Variants in DNAJC5 observed in about 807,000 individuals in gnomAD.
The protein encoded by DNAJC5 is dnaJ homolog subfamily C member 5.
DNAJC5 carries 1 observed loss-of-function variant against 23.2 expected under a neutral mutation model. The ratio of observed to expected loss-of-function variants is 0.04; its 90% CI spans 0.02 to 0.20. The LOEUF (loss-of-function observed/expected upper bound fraction) is 0.20. Ranked by LOEUF, DNAJC5 falls within the 10% of genes least tolerant of loss-of-function variation. DNAJC5 has a pLI of 1.00. For missense variants in DNAJC5, 180 were observed against 267.0 expected (o/e 0.67, Z 2.27); for synonymous variants, 136 against 120.0 (o/e 1.13, Z -0.87).
At position 63,928,693 on chromosome 20, in the gene DNAJC5, C is replaced by T. The variant is rs928124086; in HGVS notation, c.107+241C>T. 4.6e-5 allele frequency among the ~76,000 whole-genome samples: 7 copies of T among 152,206 alleles called. No homozygotes were observed. The highest frequency in any genetic ancestry group is 8.8e-5 in the Non-Finnish European group (6 of 68,030). ...TTAGTAGAAACTGACACACTGTCCA[C>T]AGTTCCATAGGGAGTCAGGGTCTGA... is the stretch of plus-strand genomic sequence containing the variant. On this transcript the variant is annotated intron_variant, in intron 2 of 4. Transcript: ENST00000360864. This position sits in a 1 kb window ranked among gnomAD's most constrained non-coding sequence, Gnocchi z 4.6.
rs2427561 is a variant in DNAJC5 at position 63,920,869 on chromosome 20, T to G, written c.-11-7466T>G. The stretch of plus-strand genomic sequence containing the variant: ...ATTTTGTATTTTTAGTAGAGACAGG[T>G]TTTCTCCATGTTGGTCAGGCTGGTC... On this transcript the variant is annotated intron_variant, in intron 1 of 4. Transcript: ENST00000360864. This position sits in a 1 kb window ranked among gnomAD's most constrained non-coding sequence, Gnocchi z 4.6. Among the ~76,000 whole-genome samples the G allele has an allele frequency of 0.34, 52,147 of 151,414 alleles. 10,684 individuals carry two copies. The highest frequency in any genetic ancestry group is 0.81 in the East Asian group (4,177 of 5,152).
At chr20:63,925,313 A>G (rs1301046263) in intron 1 of DNAJC5, among the ~76,000 whole-genome samples, 2 of 152,028 alleles carry the variant, frequency 1.3e-5, no homozygotes, top group African/African-American at 2.4e-5. Flanking sequence ...GTGAAACCCC[A>G]TCTCTACTAA....
intron 1 of DNAJC5, among the ~76,000 whole-genome samples, chr20:63,897,839 C>G (rs529911887): frequency 7.9e-4 from 121 of 152,296 alleles, no homozygotes; most frequent in African/African-American, 2.7e-3. Flanking sequence ...CTTGCAGACT[C>G]TGGAGTCCTT....
chr20:63,926,680 C>A (rs1370488915), intron 1 of DNAJC5, among the ~76,000 whole-genome samples: 1 of 152,214 alleles, frequency 6.6e-6, no homozygotes, highest in African/African-American at 2.4e-5. Context: ...CTCAGGCTGG[C>A]AGGCGAGAAG....
chr20:63,931,612 A>G lies in DNAJC5; in HGVS notation c.*44A>G, dbSNP rs774328739. 4.0e-6 allele frequency: 6 copies of G among 1,503,236 alleles called. No homozygotes were observed. The highest frequency in any genetic ancestry group is 5.4e-6 in the Non-Finnish European group (6 of 1,114,198). The allele number at this position is 1,503,236 out of a possible 1,614,324, so 93.1% of individuals were successfully genotyped here. A position where few individuals can be genotyped will look rare whatever the true frequency, so the allele number is the denominator to read the frequency against. On this transcript the variant is annotated 3_prime_UTR_variant, in exon 5 of 5. Coordinates refer to ENST00000360864, the MANE Select transcript of DNAJC5 (RefSeq NM_025219.3). The surrounding 1 kb of genome is among the most constrained non-coding windows in gnomAD (Gnocchi z 9.6). The stretch of plus-strand genomic sequence containing the variant: ...TCAGAGGAGGAGCCGGCGCCTGGCC[A>G]CGCCAACCTTAGAATCATGAACTGT...
At chr20:63,914,539 G>A (rs548484100) in intron 1 of DNAJC5, among the ~76,000 whole-genome samples, 1 of 151,252 alleles carries the variant, frequency 6.6e-6, no homozygotes, top group African/African-American at 2.4e-5. Flanking sequence ...GGATGGTCTC[G>A]ATCTCCTGAC....
intron 1 of DNAJC5, among the ~76,000 whole-genome samples, chr20:63,900,205 C>G (rs1359400922): frequency 1.3e-5 from 2 of 152,028 alleles, no homozygotes; most frequent in Non-Finnish European, 2.9e-5. Flanking sequence ...TGGTCTTGAG[C>G]TCCTGGACTC....
intron 1 of DNAJC5, among the ~76,000 whole-genome samples, chr20:63,907,234 C>T (rs762751334): frequency 7.2e-5 from 11 of 152,172 alleles, no homozygotes; most frequent in Non-Finnish European, 4.4e-5. Flanking sequence ...GAATCAGTTA[C>T]GATGTACGGT....
At chr20:63,895,760 T>TAGCTCGGGG (rs2053371210) in intron 1 of DNAJC5, among the ~76,000 whole-genome samples, 1 of 152,248 alleles carries the variant, frequency 6.6e-6, no homozygotes, top group Non-Finnish European at 1.5e-5. Flanking sequence ...GTTGTGTTTA[T>TAGCTCGGGG]AGCTCGGGGA....
intron 1 of DNAJC5, among the ~76,000 whole-genome samples, chr20:63,908,680 T>C (rs2053462537): frequency 6.6e-6 from 1 of 152,236 alleles, no homozygotes; most frequent in Admixed American, 6.6e-5. Context: ...TGCAGGCACG[T>C]GCCTGTGGTC....
intron 1 of DNAJC5, among the ~76,000 whole-genome samples, chr20:63,923,477 A>G (rs2053587873): frequency 1.3e-5 from 2 of 151,236 alleles, no homozygotes; most frequent in African/African-American, 2.4e-5. Flanking sequence ...GGTGGCTCAC[A>G]CCTGTGATCC....
At chr20:63,905,433 A>G (rs2053441999) in intron 1 of DNAJC5, among the ~76,000 whole-genome samples, 1 of 151,500 alleles carries the variant, frequency 6.6e-6, no homozygotes, top group Admixed American at 6.6e-5. Context: ...TTTTTGTTTT[A>G]AGAGACAAGG....
intron 1 of DNAJC5, among the ~76,000 whole-genome samples, chr20:63,925,348 G>C (rs1222683315): frequency 6.6e-6 from 1 of 152,048 alleles, no homozygotes; most frequent in African/African-American, 2.4e-5. Context: ...CCTGGGCGTG[G>C]TTCGCGTGCC....
chr20:63,903,294 G>A (rs1408890394), intron 1 of DNAJC5, among the ~76,000 whole-genome samples: 4 of 152,062 alleles, frequency 2.6e-5, no homozygotes, highest in South Asian at 4.2e-4. Flanking sequence ...TTGTAGGCAC[G>A]CACCACCTCA....
chr20:63,910,605 G>A (rs1427917679), intron 1 of DNAJC5, among the ~76,000 whole-genome samples: 7 of 151,874 alleles, frequency 4.6e-5, no homozygotes, highest in Admixed American at 2.0e-4. Flanking sequence ...CTGGGTGCCC[G>A]ATGCCCAGGA....
At chr20:63,903,092 C>T (rs2053425282) in intron 1 of DNAJC5, among the ~76,000 whole-genome samples, 1 of 152,198 alleles carries the variant, frequency 6.6e-6, no homozygotes, top group Non-Finnish European at 1.5e-5. Context: ...CCTATCTCAG[C>T]CTCCCAAGTA....
chr20:63,902,011 A>C (rs1196339830), intron 1 of DNAJC5, among the ~76,000 whole-genome samples: 1 of 151,990 alleles, frequency 6.6e-6, no homozygotes, highest in Non-Finnish European at 1.5e-5. Context: ...AGTCGCAATA[A>C]ATTTTGTTAG....
intron 1 of DNAJC5, among the ~76,000 whole-genome samples, chr20:63,911,981 A>G (rs1224497542): frequency 6.6e-6 from 1 of 152,062 alleles, no homozygotes; most frequent in African/African-American, 2.4e-5. Context: ...GCCGGCTGGA[A>G]AGTCTTTACA....
intron 1 of DNAJC5, among the ~76,000 whole-genome samples, chr20:63,906,639 G>A (rs964928730): frequency 3.3e-5 from 5 of 151,744 alleles, no homozygotes; most frequent in African/African-American, 7.3e-5. Context: ...AAAAAAAGCC[G>A]GGTGTGATGG....
Sources: allele counts gnomAD v4.1 joint callset (sites outside exome capture counted in the v4.1 genomes callset), GRCh38; gene constraint gnomAD v4.1.1; non-coding constraint Gnocchi (gnomAD v3.1); transcripts MANE v1.5; gene names NCBI Gene and HGNC (gene_info 2026-07-23, HGNC 2026-07-21).